PDE4D: variants seen among roughly 807,000 people sequenced by gnomAD.
The protein encoded by PDE4D is phosphodiesterase 4D.
PDE4D carries 24 observed loss-of-function variants against 87.4 expected under a neutral mutation model. That is an observed-to-expected ratio of 0.27 (90% CI 0.20 to 0.39). The LOEUF (loss-of-function observed/expected upper bound fraction) is 0.39. PDE4D is among the 10% of genes least tolerant of loss of function. The probability of loss-of-function intolerance (pLI) is 1.00; values close to 1 mark genes in which losing one functional copy is unlikely to be tolerated. For missense variants in PDE4D, 714 were observed against 1,041.0 expected, an observed-to-expected ratio of 0.69 and a Z score of 4.32; for synonymous variants, 384 against 383.2, an observed-to-expected ratio of 1.00 and a Z score of -0.02.
At chr5:59,387,383 T>C (rs1296721399) in intron 1 of PDE4D, among the ~76,000 whole-genome samples, 1 of 152,166 alleles carries the variant, frequency 6.6e-6, no homozygotes, top group African/African-American at 2.4e-5. Flanking sequence ...CCTAGGTTAC[T>C]AAGGTTCATA....
At chr5:59,316,423 C>T (rs1773750181) in intron 1 of PDE4D, among the ~76,000 whole-genome samples, 2 of 151,956 alleles carry the variant, frequency 1.3e-5, no homozygotes, top group South Asian at 4.2e-4. Context: ...TGTTCTAGAG[C>T]AGGTGAGTGT....
chr5:59,249,115 T>C (rs759189776), intron 1 of PDE4D, among the ~76,000 whole-genome samples: 23 of 152,090 alleles, frequency 1.5e-4, no homozygotes, highest in Non-Finnish European at 3.2e-4. Context: ...TAAAGAACTC[T>C]TGCAAAAAGT....
intron 1 of PDE4D, among the ~76,000 whole-genome samples, chr5:60,264,600 A>G (rs1322695209): frequency 2.0e-5 from 3 of 152,244 alleles, no homozygotes; most frequent in African/African-American, 7.2e-5. Flanking sequence ...TGTGAAGTAC[A>G]GTTGGTTGCC....
At position 59,397,492 on chromosome 5, in the gene PDE4D, A is replaced by G. The variant is rs1789648370; in HGVS notation, c.456-181524T>C. ...CTCCTGAATGACTACTGGGTACATA[A>G]TGAAATGAAGGCAGAAATAAAGATG... On this transcript the variant is annotated intron_variant, in intron 1 of 14. Transcript: ENST00000340635. Among the ~76,000 whole-genome samples, 3 of 117,512 alleles carry G rather than the reference A, an allele frequency of 2.6e-5. 1 individual carries two copies. Among genetic ancestry groups the G allele is most frequent in the Admixed American group, 2.5e-4 (3 of 11,914 alleles). 77.1% of individuals were successfully genotyped at this position (117,512 alleles called of 152,430 possible).
chr5:59,268,688 C>T (rs1373934682), intron 1 of PDE4D, among the ~76,000 whole-genome samples: 1 of 152,054 alleles, frequency 6.6e-6, no homozygotes, highest in Non-Finnish European at 1.5e-5. Flanking sequence ...GACTATCTTC[C>T]TTACCAACCT....
intron 1 of PDE4D, among the ~76,000 whole-genome samples, chr5:60,396,337 G>T (rs1306443613): frequency 1.3e-5 from 2 of 152,096 alleles, no homozygotes; most frequent in African/African-American, 4.8e-5. Context: ...AGGTGAACTG[G>T]GTTGGGCTGC....
At chr5:59,147,761 A>G (rs1320979206) in intron 5 of PDE4D, among the ~76,000 whole-genome samples, 1 of 152,154 alleles carries the variant, frequency 6.6e-6, no homozygotes, top group Non-Finnish European at 1.5e-5. Context: ...TGTATTTCCT[A>G]TTTTTTGTTG....
At chr5:60,488,142 A>G (rs1281170868), upstream of PDE4D, 3 of 152,648 alleles carry the variant, frequency 2.0e-5, no homozygotes, top group East Asian at 5.8e-4. Flanking sequence ...AGCTCCTCAT[A>G]ACAAGTCTAA....
chr5:59,518,434 A>G (rs1471068564), intron 1 of PDE4D, among the ~76,000 whole-genome samples: 1 of 152,156 alleles, frequency 6.6e-6, no homozygotes, highest in Non-Finnish European at 1.5e-5. Flanking sequence ...CTGTTTTGTC[A>G]GTGCTGGGCT....
chr5:59,052,873 A>G (rs1761751948), intron 5 of PDE4D, among the ~76,000 whole-genome samples: 1 of 152,184 alleles, frequency 6.6e-6, no homozygotes, highest in African/African-American at 2.4e-5. Context: ...TAAATGTGTT[A>G]TTTGTTAAAA....
chr5:59,250,493 GA>G (rs560305696), intron 1 of PDE4D, among the ~76,000 whole-genome samples: 10,625 of 119,520 alleles, frequency 0.089, 469 homozygotes, highest in Non-Finnish European at 0.12. Context: ...ATCCTGCCTC[GA>G]AAAAAAAAAA....
intron 1 of PDE4D, among the ~76,000 whole-genome samples, chr5:59,393,594 C>G (rs1445975598): frequency 6.6e-6 from 1 of 152,232 alleles, no homozygotes; most frequent in Non-Finnish European, 1.5e-5. Context: ...TTATAAATGA[C>G]AACACCAATA....
At chr5:59,849,707 C>A (rs1047107952) in intron 1 of PDE4D, among the ~76,000 whole-genome samples, 6 of 151,384 alleles carry the variant, frequency 4.0e-5, no homozygotes, top group African/African-American at 1.5e-4. Flanking sequence ...TGTTTTTGTC[C>A]CTTATTTATT....
At chr5:60,334,675 C>T (rs974907520) in intron 1 of PDE4D, among the ~76,000 whole-genome samples, 7 of 151,890 alleles carry the variant, frequency 4.6e-5, no homozygotes, top group African/African-American at 1.2e-4. Context: ...CCACTGCCCC[C>T]GAGAGCTGCT....
At chr5:60,456,373 T>A (rs1746468949) in intron 1 of PDE4D, among the ~76,000 whole-genome samples, 1 of 152,232 alleles carries the variant, frequency 6.6e-6, no homozygotes, top group African/African-American at 2.4e-5. Flanking sequence ...GGTGCTACTG[T>A]TAACATGGCA....
intron 2 of PDE4D, among the ~76,000 whole-genome samples, chr5:60,107,430 C>A (rs1187537099): frequency 1.3e-5 from 2 of 152,150 alleles, no homozygotes; most frequent in African/African-American, 2.4e-5. Flanking sequence ...ACCAGAGGTA[C>A]AAGGAGGAGC....
chr5:59,596,986 A>T (rs2153705115), intron 1 of PDE4D, among the ~76,000 whole-genome samples: 1 of 152,288 alleles, frequency 6.6e-6, no homozygotes, highest in Admixed American at 6.5e-5. Context: ...ACACAGAGAC[A>T]AAAAGAAATC....
chr5:59,386,889 G>A lies in PDE4D; in HGVS notation c.456-170921C>T, dbSNP rs539315193. Among the ~76,000 whole-genome samples the A allele has an allele frequency of 1.7e-4, 26 of 152,232 alleles. No individual in the cohort carries two copies. The South Asian group carries it at 5.4e-3, about 32-fold the overall frequency. On this transcript the variant is annotated intron_variant, in intron 1 of 14. Coordinates refer to ENST00000340635, the MANE Select transcript of PDE4D (RefSeq NM_001104631.2). ...TAAACACTTAAAAACCAGCATGACT[G>A]TACCAAGGAATAAAACATGTTAACT... is the stretch of plus-strand genomic sequence containing the variant.
intron 3 of PDE4D, among the ~76,000 whole-genome samples, chr5:59,921,436 A>G (rs1754659910): frequency 6.6e-6 from 1 of 152,196 alleles, no homozygotes; most frequent in Admixed American, 6.5e-5. Context: ...TGGGATAGAT[A>G]TGAGTACTAC....
Sources: allele counts gnomAD v4.1 joint callset (sites outside exome capture counted in the v4.1 genomes callset), GRCh38; gene constraint gnomAD v4.1.1; transcripts MANE v1.5; gene names NCBI Gene and HGNC (gene_info 2026-07-23, HGNC 2026-07-21).